The following SYNE2 variants were observed in gnomAD, a reference collection of about 807,000 sequenced individuals.
SYNE2 encodes spectrin repeat containing nuclear envelope protein 2.
Under a neutral mutation model 856.3 loss-of-function variants are expected in SYNE2, and 431 were observed. The observed-to-expected ratio is 0.50, with a 90% CI of 0.47 to 0.55. The LOEUF (loss-of-function observed/expected upper bound fraction) is 0.55, where lower values mean the gene tolerates loss of function less well. Among genes scored for constraint, SYNE2 ranks in the 20% least tolerant of loss-of-function variants. The pLI is 0.00. For synonymous variants in SYNE2, 2,923 were observed against 2,872.3 expected (o/e 1.02, Z -0.56); for missense variants, 8,129 against 8,023.2 (o/e 1.01, Z -0.50).
chr14:63,876,494 CT>C (rs11452526), intron 1 of SYNE2, among the ~76,000 whole-genome samples: 12 of 147,016 alleles, frequency 8.2e-5, no homozygotes, highest in East Asian at 2.0e-4. Context: ...AAATATGTTC[CT>C]TTTTTTTTTT....
At chr14:63,980,809 A>C in intron 15 of SYNE2, 77 bp downstream of exon 15, 1 of 1,202,872 alleles carries the variant, frequency 8.3e-7, no homozygotes, top group Non-Finnish European at 1.2e-6. Flanking sequence ...CTTTCTATAT[A>C]ATGTTTTAGA....
chr14:63,847,249 A>G (rs1890255485), intron 1 of SYNE2, among the ~76,000 whole-genome samples: 1 of 151,554 alleles, frequency 6.6e-6, no homozygotes, highest in African/African-American at 2.4e-5. Context: ...CTTCAAGGCC[A>G]ACCTGGGTAA....
rs71120288 is a variant in SYNE2 at position 63,807,819 on chromosome 14, TTATATATATATATATATATATATATATA to T, written c.-304-44663_-304-44636del. ...ACAGGCATGAACTACTACTCCAGGC[TTATATATATATATATATATATATATATA>T]TATATATATATATATATAATTTCAA... On this transcript the variant is annotated intron_variant, in intron 1 of 23. Coordinates refer to the SYNE2 transcript ENST00000674003. Among the ~76,000 whole-genome samples the T allele has an allele frequency of 7.2e-3, 183 of 25,484 alleles. 7 individuals are homozygous for T. Among genetic ancestry groups the T allele is most frequent in the South Asian group, 0.024 (13 of 548 alleles). 16.7% of individuals were successfully genotyped at this position (25,484 alleles called of 152,430 possible).
intron 1 of SYNE2, among the ~76,000 whole-genome samples, chr14:63,884,801 C>CAT (rs112717077): frequency 0.032 from 4,764 of 150,232 alleles, 249 homozygotes; most frequent in African/African-American, 0.11. Context: ...GCCTTTGAAA[C>CAT]ATATATATAT....
intron 54 of SYNE2, among the ~76,000 whole-genome samples, chr14:64,077,503 C>T (rs548269991): frequency 1.5e-4 from 23 of 152,120 alleles, no homozygotes; most frequent in Admixed American, 1.2e-3. Flanking sequence ...GGGACTTGGG[C>T]GCTTCTTGGG....
In SYNE2 at chr14:63,877,156, G is replaced by C. The variant is rs552067639; in HGVS notation, c.-52+24013G>C. On this transcript the variant is annotated intron_variant, in intron 1 of 115. Coordinates refer to ENST00000555002, the MANE Select transcript of SYNE2 (RefSeq NM_182914.3). Reference sequence around the variant, plus strand: ...TCGTTAATAAATTATGTTTGGGTTTGGAAAACTTCCAGCCCTATAAATAGA... The same window carrying C: ...TCGTTAATAAATTATGTTTGGGTTTCGAAAACTTCCAGCCCTATAAATAGA... 9.9e-5 allele frequency among the ~76,000 whole-genome samples: 15 copies of C among 152,234 alleles called. No homozygotes were observed. In the South Asian group the frequency reaches 3.1e-3, roughly 32 times the overall value.
chr14:64,060,005 C>T (rs181489004), intron 49 of SYNE2, among the ~76,000 whole-genome samples: 5 of 152,236 alleles, frequency 3.3e-5, no homozygotes, highest in Non-Finnish European at 7.4e-5. Flanking sequence ...GGTCTTCAGT[C>T]GGCTTGTGGT....
intron 66 of SYNE2, 53 bp downstream of exon 66, chr14:64,113,624 A>G (rs2097830331): frequency 6.5e-7 from 1 of 1,530,388 alleles, no homozygotes; most frequent in South Asian, 1.2e-5. Context: ...ATCATCTGCC[A>G]AGATTGGGTG....
At chr14:63,992,130 C>A (rs2096671459) in intron 21 of SYNE2, among the ~76,000 whole-genome samples, 1 of 151,926 alleles carries the variant, frequency 6.6e-6, no homozygotes, top group African/African-American at 2.4e-5. Context: ...TTCACTTTTA[C>A]TCCTAGGTTC....
chr14:63,974,893 T>C (rs2096527077), intron 11 of SYNE2, among the ~76,000 whole-genome samples: 1 of 13,772 alleles, frequency 7.3e-5, no homozygotes, highest in Non-Finnish European at 1.4e-4. Context: ...TGTGTGTGTG[T>C]ATATATATAT....
Position 64,021,615 on chromosome 14 carries a change from C to T in SYNE2, c.5352+100C>T, listed in dbSNP as rs79555365. The T allele has an allele frequency of 6.9e-3, 10,125 of 1,466,488 alleles. 613 individuals are homozygous for T. In the African/African-American group the frequency reaches 0.12, roughly 18 times the overall value. The allele number at this position is 1,466,488 out of a possible 1,614,324, so 90.8% of individuals were successfully genotyped here. On this transcript the variant is annotated intron_variant, in intron 36 of 115. Transcript: ENST00000555002. ...GTTAATAAAAATAGAAAAAAAAAGT[C>T]GAAGAAGAAAACTCAGAAAAACCGC...
rs756185609 is a variant in SYNE2, at chr14:64,051,939, A to G, written c.8026A>G (p.Lys2676Glu). 2 of 1,613,882 alleles carry G rather than the reference A, an allele frequency of 1.2e-6. No individual in the cohort carries two copies. Among genetic ancestry groups the G allele is most frequent in the Non-Finnish European group, 8.5e-7 (1 of 1,180,024 alleles). ...IALTTDLQAT[K>E]HGFSVLKGQA... ...CTTGACCACTGACCTCCAGGCTACC[A>G]AGCATGGATTTTCTGTTTTAAAGGG... The change falls in exon 48 of 116, where the codon AAG (lysine) becomes GAG (glutamate). Residue 2676 changes from lysine to glutamate, a missense_variant. Lys to Glu is a moderately conservative substitution (Grantham distance 56). Around this residue, in one of 3 missense-constraint regions of SYNE2, gnomAD observed 5,410 missense variants for 5,284.8 expected, o/e 1.02. Coordinates refer to ENST00000555002, the MANE Select transcript of SYNE2 (RefSeq NM_182914.3).
intron 29 of SYNE2, 76 bp from the exon 30 acceptor site, chr14:64,002,644 G>C (rs559620632): frequency 1.3e-6 from 2 of 1,530,426 alleles, no homozygotes; most frequent in Admixed American, 3.8e-5. Flanking sequence ...TAGTCATGCA[G>C]TTTGGGGCTA....
At chr14:64,182,800 A>G (rs2098465014) in intron 96 of SYNE2, among the ~76,000 whole-genome samples, 1 of 152,244 alleles carries the variant, frequency 6.6e-6, no homozygotes, top group South Asian at 2.1e-4. Flanking sequence ...ACACAGACAC[A>G]GCAACAATTT....
chr14:63,848,087 A>G (rs773528137), upstream of SYNE2, among the ~76,000 whole-genome samples: 8 of 151,728 alleles, frequency 5.3e-5, no homozygotes, highest in Non-Finnish European at 1.0e-4. Context: ...GGGTTTCACC[A>G]TGCTGTCCAG....
At chr14:63,955,079 A>T (rs2096223971) in intron 8 of SYNE2, among the ~76,000 whole-genome samples, 164 bp downstream of exon 8, 1 of 152,196 alleles carries the variant, frequency 6.6e-6, no homozygotes, top group East Asian at 1.9e-4. Context: ...AATTCCTACC[A>T]ATTTGTTAAC....
intron 6 of SYNE2, among the ~76,000 whole-genome samples, chr14:63,944,824 C>CTTTTTTTTTTTTTTTT (rs55906748): frequency 3.0e-4 from 14 of 46,948 alleles, no homozygotes; most frequent in African/African-American, 7.2e-4. Context: ...GGGCTTAAAG[C>CTTTTTTTTTTTTTTTT]TTTTTTTTTT....
chr14:64,033,218 T>C (rs1180170313), intron 45 of SYNE2, among the ~76,000 whole-genome samples: 1 of 152,208 alleles, frequency 6.6e-6, no homozygotes, highest in Non-Finnish European at 1.5e-5. Context: ...CAGTGCTTTC[T>C]ATGAGATAGG....
Position 64,225,707 on chromosome 14 carries a change from C to T in SYNE2, c.*181C>T. On this transcript the variant is annotated 3_prime_UTR_variant, in exon 116 of 116. Transcript: ENST00000555002. The stretch of plus-strand genomic sequence containing the variant: ...AGGGCAGCTTTCAGATTGTGTTCCT[C>T]CCCAGGAGCAGGGAACCTGTGTGGC... The T allele has an allele frequency of 1.4e-6, 1 of 698,994 alleles. No homozygotes were observed. The highest frequency in any genetic ancestry group is 2.5e-6 in the Non-Finnish European group (1 of 398,910). 43.3% of individuals were successfully genotyped at this position (698,994 alleles called of 1,614,324 possible). A position where few individuals can be genotyped will look rare whatever the true frequency, so the allele number is the denominator to read the frequency against.
Sources: allele counts gnomAD v4.1 joint callset (sites outside exome capture counted in the v4.1 genomes callset), GRCh38; gene constraint gnomAD v4.1.1; regional missense constraint gnomAD v4.1.1; transcripts MANE v1.5; gene names NCBI Gene and HGNC (gene_info 2026-07-23, HGNC 2026-07-21).